The following TMEM260 variants were observed in gnomAD, a reference collection of about 807,000 sequenced individuals.
The protein encoded by TMEM260 is transmembrane protein 260.
A neutral mutation model predicts 88.9 loss-of-function variants in TMEM260; 82 were observed. That is an observed-to-expected ratio of 0.92 (90% CI 0.77 to 1.11). TMEM260 has a LOEUF of 1.11. Among genes scored for constraint, TMEM260 ranks in the 50% least tolerant of loss-of-function variants. The pLI is 0.00. For synonymous variants in TMEM260, 314 were observed against 309.3 expected (o/e 1.02, Z -0.16); for missense variants, 902 against 853.4 (o/e 1.06, Z -0.71).
At chr14:56,645,532 T>C (rs904403340) in intron 15 of TMEM260, among the ~76,000 whole-genome samples, 6 of 151,978 alleles carry the variant, frequency 3.9e-5, no homozygotes, top group Non-Finnish European at 7.4e-5. Flanking sequence ...TTAGGAGATA[T>C]ACCTAATGCT....
In TMEM260 at chr14:56,580,028, A is replaced by C; in HGVS notation, c.114A>C (p.Ala38=). The change falls in exon 1 of 16, where the codon GCA becomes GCC. Residue 38 remains alanine, a synonymous_variant. Coordinates refer to ENST00000261556, the MANE Select transcript of TMEM260 (RefSeq NM_017799.4). ...TGGCGGTGTTCGCCGCCGTGGCCGC[A>C]GTGTTCACCTTCACCCTGCCCCCTT... The part of the protein sequence containing the change: ...GGVAVFAAVA[A]VFTFTLPPSV... The C allele has an allele frequency of 4.0e-6, 5 of 1,250,344 alleles. No individual in the cohort carries two copies. Among genetic ancestry groups the C allele is most frequent in the Non-Finnish European group, 5.1e-6 (5 of 989,948 alleles). 77.5% of individuals were successfully genotyped at this position (1,250,344 alleles called of 1,614,324 possible). A position where few individuals can be genotyped will look rare whatever the true frequency, so the allele number is the denominator to read the frequency against.
In TMEM260 at chr14:56,593,983, G is replaced by T. The variant is rs186066340; in HGVS notation, c.344+8071G>T. Among the ~76,000 whole-genome samples, 5 of 151,996 alleles carry T rather than the reference G, an allele frequency of 3.3e-5. No individual in the cohort carries two copies. The East Asian group carries it at 9.7e-4, about 29-fold the overall frequency. On this transcript the variant is annotated intron_variant, in intron 3 of 15. Coordinates refer to ENST00000261556, the MANE Select transcript of TMEM260 (RefSeq NM_017799.4). ...ATTACAGGCGTGAGCCACCGCGCCC[G>T]GCCGTGAGTGTCTTTTATAATACAA... is the stretch of plus-strand genomic sequence containing the variant.
At chr14:56,602,414 C>G (rs1886632735) in intron 3 of TMEM260, among the ~76,000 whole-genome samples, 1 of 152,038 alleles carries the variant, frequency 6.6e-6, no homozygotes, top group Non-Finnish European at 1.5e-5. Context: ...TGAGTGGGAT[C>G]CAGTTTATTG....
the TMEM260 span, among the ~76,000 whole-genome samples, chr14:56,660,026 G>A: frequency 6.6e-6 from 1 of 152,124 alleles, no homozygotes; most frequent in Non-Finnish European, 1.5e-5. Context: ...TTGGCTGGAT[G>A]GAATATTAAA....
At chr14:56,625,187 A>G (rs1888169219) in intron 11 of TMEM260, among the ~76,000 whole-genome samples, 195 bp from the exon 12 acceptor site, 2 of 152,328 alleles carry the variant, frequency 1.3e-5, no homozygotes, top group South Asian at 4.1e-4. Context: ...GACTGATGAT[A>G]GTCATAATAA....
intron 11 of TMEM260, among the ~76,000 whole-genome samples, chr14:56,624,298 G>T (rs1452659265): frequency 2.6e-5 from 4 of 152,202 alleles, no homozygotes; most frequent in African/African-American, 9.7e-5. Context: ...AACTGGCCAG[G>T]TGTGGTGGCT....
At chr14:56,613,220 A>G (rs1887393468) in intron 7 of TMEM260, 3 of 152,144 alleles carry the variant, frequency 2.0e-5, no homozygotes, top group African/African-American at 7.2e-5. Flanking sequence ...ACTAATTACT[A>G]ATTTGGAACT....
intron 13 of TMEM260, among the ~76,000 whole-genome samples, chr14:56,634,081 C>A (rs1000809525): frequency 1.3e-5 from 2 of 152,148 alleles, no homozygotes; most frequent in African/African-American, 4.8e-5. Context: ...TGCTCATTAT[C>A]CCCATTCTAT....
intron 10 of TMEM260, among the ~76,000 whole-genome samples, chr14:56,620,963 C>T (rs1021025393): frequency 6.6e-6 from 1 of 152,094 alleles, no homozygotes; most frequent in Non-Finnish European, 1.5e-5. Context: ...TCAGGAAACT[C>T]GTCCTCCCCT....
At chr14:56,631,276 T>TG (rs1283726193) in intron 12 of TMEM260, among the ~76,000 whole-genome samples, 2 of 152,124 alleles carry the variant, frequency 1.3e-5, no homozygotes, top group Non-Finnish European at 2.9e-5. Flanking sequence ...GATTCTTCCC[T>TG]GGGGGTGGGC....
At chr14:56,618,476 T>A (rs1887716636) in intron 9 of TMEM260, 118 bp from the exon 10 acceptor site, 2 of 921,790 alleles carry the variant, frequency 2.2e-6, no homozygotes, top group Admixed American at 2.5e-5. Flanking sequence ...TAACAAAACC[T>A]GAATGACAAC....
chr14:56,621,476 AT>A, intron 10 of TMEM260, 54 bp from the exon 11 acceptor site: 1 of 1,411,372 alleles, frequency 7.1e-7, no homozygotes, highest in Non-Finnish European at 9.7e-7. Flanking sequence ...GCCTAGTCTT[AT>A]TAAAACTGTA....
chr14:56,585,770 C>G lies in TMEM260; in HGVS notation c.202C>G (p.Pro68Ala), dbSNP rs778512344. The G allele has an allele frequency of 5.0e-6, 8 of 1,611,300 alleles. No individual in the cohort carries two copies. Among genetic ancestry groups the G allele is most frequent in the Admixed American group, 1.7e-5 (1 of 59,404 alleles). ...GCTAATTTTTCCGTAGGTTGCCCAT[C>G]CTCCTGGCTATCCTTTGTTCACGCT... ...TAAHELGVAH[P>A]PGYPLFTLVA... Residue 68 changes from proline to alanine, a missense_variant, in exon 3 of 16, where the codon CCT becomes GCT. By Grantham distance (27) the Pro-to-Ala change is conservative. Transcript: ENST00000261556.
At chr14:56,650,039 T>C (rs1296410987), downstream of TMEM260, 1 of 447,546 alleles carries the variant, frequency 2.2e-6, no homozygotes, top group Admixed American at 2.5e-5. Flanking sequence ...AACAAGTTGC[T>C]TTCTTTTTCT....
rs1220076178 is a variant in TMEM260, at chr14:56,647,632, A to C, written c.*135A>C. On this transcript the variant is annotated 3_prime_UTR_variant, in exon 16 of 16. Transcript: ENST00000261556. ...CTCCCAGATATAAGTATCATGGTCCAGCAGTACTGTTTAATGGGGTATTCA... is the reference window on the plus strand; with the variant it reads ...CTCCCAGATATAAGTATCATGGTCCCGCAGTACTGTTTAATGGGGTATTCA... 65 of 1,009,852 alleles carry C rather than the reference A, an allele frequency of 6.4e-5. No homozygotes were observed. The highest frequency in any genetic ancestry group is 1.4e-6 in the Non-Finnish European group (1 of 713,762). 62.6% of individuals were successfully genotyped at this position (1,009,852 alleles called of 1,614,324 possible).
intron 15 of TMEM260, 38 bp from the exon 16 acceptor site, chr14:56,647,204 GA>G: frequency 6.6e-7 from 1 of 1,523,658 alleles, no homozygotes; most frequent in Non-Finnish European, 8.8e-7. Context: ...AAAAGTCAAA[GA>G]ATAACAATGG....
chr14:56,590,799 A>G (rs892983531), intron 3 of TMEM260, among the ~76,000 whole-genome samples: 4 of 152,226 alleles, frequency 2.6e-5, no homozygotes, highest in East Asian at 1.9e-4. Flanking sequence ...GTCTTCTCCA[A>G]TTGTAATATG....
At chr14:56,596,545 T>A (rs889181490) in intron 3 of TMEM260, among the ~76,000 whole-genome samples, 4 of 150,252 alleles carry the variant, frequency 2.7e-5, no homozygotes, top group African/African-American at 4.9e-5. Context: ...GGCGGGTGGA[T>A]CACCTGAGGT....
rs1201568558 is a variant in TMEM260 at position 56,625,525 on chromosome 14, TAAAC to T, written c.1544_1547del (p.Gln516LysfsTer7). ...ATCTTTATCATTTTCTTGAAGTAAA[TAAAC>T]AGTAAGCATTCTTTTTATATAATAG... On this transcript the variant is annotated frameshift_variant and splice_region_variant, in exon 12 of 16. Coordinates refer to ENST00000261556, the MANE Select transcript of TMEM260 (RefSeq NM_017799.4). LOFTEE classifies it high-confidence loss of function. 1.0e-5 allele frequency: 16 copies of T among 1,588,552 alleles called. No individual in the cohort carries two copies. Among genetic ancestry groups the T allele is most frequent in the Non-Finnish European group, 1.2e-5 (14 of 1,162,056 alleles).
Sources: gnomAD v4.1 joint callset for allele counts (sites outside exome capture counted in the v4.1 genomes callset) on GRCh38, gnomAD v4.1.1 for gene constraint, MANE v1.5 for transcripts, NCBI Gene and HGNC (gene_info 2026-07-23, HGNC 2026-07-21) for gene names.